Variants in BCO2 observed in about 807,000 individuals in gnomAD.
The protein encoded by BCO2 is beta-carotene oxygenase 2.
A neutral mutation model predicts 65.8 loss-of-function variants in BCO2; 56 were observed. The observed-to-expected ratio is 0.85, with a 90% CI of 0.69 to 1.06. BCO2 has a LOEUF of 1.06. BCO2 is among the 50% of genes least tolerant of loss of function. The probability of loss-of-function intolerance (pLI) is 0.00; values close to 1 mark genes in which losing one functional copy is unlikely to be tolerated. For missense variants in BCO2, 675 were observed against 698.5 expected (o/e 0.97, Z 0.38); for synonymous variants, 233 against 242.3 (o/e 0.96, Z 0.36).
At chr11:112,191,055 C>G (rs1867373557) in intron 2 of BCO2, among the ~76,000 whole-genome samples, 1 of 150,634 alleles carries the variant, frequency 6.6e-6, no homozygotes. Context: ...GAAAATATAC[C>G]AGTATTTTCT....
At chr11:112,214,604 A>C (rs1474965563) in intron 9 of BCO2, 158 bp from the exon 10 acceptor site, 6 of 608,690 alleles carry the variant, frequency 9.9e-6, no homozygotes, top group Non-Finnish European at 1.2e-5. Context: ...GCATCCACAC[A>C]TATGATGGAA....
At chr11:112,192,408 A>G (rs2035436435) in intron 2 of BCO2, among the ~76,000 whole-genome samples, 1 of 152,200 alleles carries the variant, frequency 6.6e-6, no homozygotes, top group African/African-American at 2.4e-5. Context: ...TAAGCATATG[A>G]AAGAAGAGAC....
chr11:112,208,102 G>A (rs1859398879), intron 8 of BCO2, among the ~76,000 whole-genome samples: 1 of 151,914 alleles, frequency 6.6e-6, no homozygotes, highest in Non-Finnish European at 1.5e-5. Flanking sequence ...TGGGACTACA[G>A]GCATGTGCCA....
intron 5 of BCO2, among the ~76,000 whole-genome samples, chr11:112,197,876 C>G (rs1005199221): frequency 6.6e-6 from 1 of 152,220 alleles, no homozygotes; most frequent in African/African-American, 2.4e-5. Flanking sequence ...AATCGTGCTC[C>G]TGGCTGAGAA....
chr11:112,204,681 A>T lies in BCO2; in HGVS notation c.1194+2491A>T, dbSNP rs560544311. ...ATGACTTTTAGTAGCATTTTATTTT[A>T]TTTTTTTTGAGACAGAGTTTTGCTC... On this transcript the variant is annotated intron_variant, in intron 8 of 11. Transcript: ENST00000357685. 2.6e-3 allele frequency among the ~76,000 whole-genome samples: 389 copies of T among 151,932 alleles called. 2 individuals are homozygous for T. The highest frequency in any genetic ancestry group is 9.1e-3 in the African/African-American group (376 of 41,444).
chr11:112,189,760 G>C (rs1867318662), intron 2 of BCO2, among the ~76,000 whole-genome samples: 1 of 151,998 alleles, frequency 6.6e-6, no homozygotes, highest in African/African-American at 2.4e-5. Context: ...ACCTTATTAA[G>C]GAAATGTTTC....
chr11:112,202,275 C>T lies in BCO2; in HGVS notation c.1194+85C>T. The T allele has an allele frequency of 2.6e-6, 3 of 1,168,842 alleles. No individual in the cohort carries two copies. In the East Asian group the frequency reaches 7.9e-5, roughly 31 times the overall value. 72.4% of individuals were successfully genotyped at this position (1,168,842 alleles called of 1,614,324 possible). On this transcript the variant is annotated intron_variant, in intron 8 of 11. Coordinates refer to ENST00000357685, the MANE Select transcript of BCO2 (RefSeq NM_031938.7). ...TGGCTTTGGAATTACATGTTTCTCTCTCTCTCTCTCTCTCTTTTTTCTTTT... is the reference window on the plus strand; with the variant it reads ...TGGCTTTGGAATTACATGTTTCTCTTTCTCTCTCTCTCTCTTTTTTCTTTT...
At chr11:112,184,276 A>G (rs1217874852) in intron 2 of BCO2, among the ~76,000 whole-genome samples, 2 of 149,978 alleles carry the variant, frequency 1.3e-5, no homozygotes, top group East Asian at 2.0e-4. Context: ...TTTTTGAGAC[A>G]GAGTCTCGCT....
intron 10 of BCO2, chr11:112,215,214 T>C (rs1030419633): frequency 2.4e-6 from 1 of 422,754 alleles, no homozygotes; most frequent in African/African-American, 2.0e-5. Context: ...AGGACACCTA[T>C]ATTTAAAGTT....
Position 112,193,709 on chromosome 11 carries a change from G to A in BCO2, c.517+12G>A, listed in dbSNP as rs760187866. 9 of 1,602,466 alleles carry A rather than the reference G, an allele frequency of 5.6e-6. No homozygotes were observed. The East Asian group carries it at 6.7e-5, about 12-fold the overall frequency. ...TGGTAAAGCTGCAGGTGATAGTGAT[G>A]ATTATTTAAACTATTACGATATATA... On this transcript the variant is annotated intron_variant, in intron 3 of 11. Coordinates refer to ENST00000357685, the MANE Select transcript of BCO2 (RefSeq NM_031938.7).
chr11:112,214,628 T>A (rs1859604888), intron 9 of BCO2, 134 bp from the exon 10 acceptor site: 1 of 648,744 alleles, frequency 1.5e-6, no homozygotes, highest in African/African-American at 1.8e-5. Context: ...GGAACAATAT[T>A]AAAACATGAC....
rs201656985 is a variant in BCO2, at chr11:112,194,000, G to T, written c.633+6G>T. On this transcript the variant is annotated splice_donor_region_variant and intron_variant, in intron 4 of 11. Coordinates refer to ENST00000357685, the MANE Select transcript of BCO2 (RefSeq NM_031938.7). ...CTCTGGAAAAAACAGAAAAGGTAAA[G>T]TACAGGTAAAAAAAAATGAATAAAA... is the stretch of plus-strand genomic sequence containing the variant. The T allele has an allele frequency of 9.5e-4, 1,360 of 1,431,180 alleles. 1 individual carries two copies. Among genetic ancestry groups the T allele is most frequent in the Non-Finnish European group, 1.2e-3 (1,251 of 1,014,502 alleles). The allele number at this position is 1,431,180 out of a possible 1,614,324, so 88.7% of individuals were successfully genotyped here. A position where few individuals can be genotyped will look rare whatever the true frequency, so the allele number is the denominator to read the frequency against.
chr11:112,216,375 G>A, intron 11 of BCO2, 45 bp downstream of exon 11: 1 of 1,430,004 alleles, frequency 7.0e-7, no homozygotes, highest in Non-Finnish European at 9.9e-7. Context: ...AAGTAGCACT[G>A]AGTCATCTGA....
At chr11:112,182,861 G>A in intron 2 of BCO2, 1 of 993,562 alleles carries the variant, frequency 1.0e-6, no homozygotes, top group Non-Finnish European at 1.6e-6. Context: ...ATAAAAAGAT[G>A]CTCTGTTCTA....
intron 5 of BCO2, among the ~76,000 whole-genome samples, chr11:112,195,078 A>G (rs953040886): frequency 1.3e-5 from 2 of 152,202 alleles, no homozygotes; most frequent in African/African-American, 4.8e-5. Context: ...CTGTTAACCA[A>G]GTAGATAACT....
Position 112,194,005 on chromosome 11 carries a change from G to T in BCO2, c.633+11G>T. ...GAAAAAACAGAAAAGGTAAAGTACA[G>T]GTAAAAAAAAATGAATAAAATAGAT... On this transcript the variant is annotated intron_variant, in intron 4 of 11. Transcript: ENST00000357685. 1 of 1,380,396 alleles carries T rather than the reference G, an allele frequency of 7.2e-7. No individual in the cohort carries two copies. Among genetic ancestry groups the T allele is most frequent in the Non-Finnish European group, 1.0e-6 (1 of 968,906 alleles). The allele number at this position is 1,380,396 out of a possible 1,614,324, so 85.5% of individuals were successfully genotyped here.
rs1867040176 is a variant in BCO2, at chr11:112,181,321, A to G, written c.293+1839A>G. 4 of 547,670 alleles carry G rather than the reference A, an allele frequency of 7.3e-6. No individual in the cohort carries two copies. The African/African-American group carries it at 7.7e-5, about 11-fold the overall frequency. 33.9% of individuals were successfully genotyped at this position (547,670 alleles called of 1,614,324 possible). A position where few individuals can be genotyped will look rare whatever the true frequency, so the allele number is the denominator to read the frequency against. ...CTCAGCCTCCCAAGTAGCTGGGACT[A>G]CAGGCGCCCGCCACTACGCCCGGCT... is the stretch of plus-strand genomic sequence containing the variant. On this transcript the variant is annotated intron_variant, in intron 2 of 11. Coordinates refer to ENST00000357685, the MANE Select transcript of BCO2 (RefSeq NM_031938.7).
At position 112,199,716 on chromosome 11, in the gene BCO2, A is replaced by G; in HGVS notation, c.754A>G (p.Ile252Val). ...TTTTTCAGGTTTCTCCTATAAGGTT[A>G]TTCGGGTTCCTCCAGAGAAGGTGGA... ...FGPYGFSYKVIRVPPEKVDLG... is the reference protein window; with the variant it reads ...FGPYGFSYKVVRVPPEKVDLG... The change falls in exon 6 of 12, where the codon ATT (isoleucine) becomes GTT (valine). Residue 252 changes from isoleucine (I) to valine (V), a missense_variant. By Grantham distance (29) the Ile-to-Val change is conservative. Coordinates refer to ENST00000357685, the MANE Select transcript of BCO2 (RefSeq NM_031938.7). 6.2e-7 allele frequency: 1 copy of G among 1,613,698 alleles called. No homozygotes were observed. Among genetic ancestry groups the G allele is most frequent in the Non-Finnish European group, 8.5e-7 (1 of 1,179,604 alleles).
At chr11:112,189,596 G>T (rs75992333) in intron 2 of BCO2, among the ~76,000 whole-genome samples, 6,594 of 151,932 alleles carry the variant, frequency 0.043, 279 homozygotes, top group African/African-American at 0.12. Context: ...TTTAGTAGGG[G>T]TTTCACCGTG....
Sources: allele counts gnomAD v4.1 joint callset (sites outside exome capture counted in the v4.1 genomes callset), GRCh38; gene constraint gnomAD v4.1.1; transcripts MANE v1.5; gene names NCBI Gene and HGNC (gene_info 2026-07-23, HGNC 2026-07-21).